CCNY: variants seen among roughly 807,000 people sequenced by gnomAD.
CCNY encodes cyclin-Y.
CCNY carries 19 observed loss-of-function variants against 42.8 expected under a neutral mutation model. The observed-to-expected ratio is 0.44, with a 90% CI of 0.31 to 0.65. The LOEUF (loss-of-function observed/expected upper bound fraction) is 0.65, where lower values mean the gene tolerates loss of function less well. Ranked by LOEUF, CCNY falls within the 30% of genes least tolerant of loss-of-function variation. The probability of loss-of-function intolerance (pLI) is 0.07; values close to 1 mark genes in which losing one functional copy is unlikely to be tolerated. For synonymous variants in CCNY, 165 were observed against 162.7 expected (o/e 1.01, Z -0.11); for missense variants, 370 against 437.3 (o/e 0.85, Z 1.37).
chr10:35,510,492 T>C (rs569646282), intron 3 of CCNY, among the ~76,000 whole-genome samples: 5 of 152,346 alleles, frequency 3.3e-5, no homozygotes, highest in African/African-American at 1.2e-4. Flanking sequence ...GCTGGAATTA[T>C]AGGCATGAGC....
intron 1 of CCNY, among the ~76,000 whole-genome samples, chr10:35,439,830 T>C (rs1838626371): frequency 6.6e-6 from 1 of 152,098 alleles, no homozygotes; most frequent in African/African-American, 2.4e-5. Flanking sequence ...TACTGCCAGG[T>C]GGAGACAGAA....
intron 3 of CCNY, among the ~76,000 whole-genome samples, chr10:35,309,337 G>A (rs1681680065): frequency 6.6e-6 from 1 of 152,218 alleles, no homozygotes; most frequent in South Asian, 2.1e-4. Context: ...GACTGTGAGG[G>A]TGGAGGAATT....
intron 2 of CCNY, among the ~76,000 whole-genome samples, chr10:35,494,248 T>C (rs1589158371): frequency 8.9e-6 from 1 of 112,948 alleles, no homozygotes; most frequent in African/African-American, 2.9e-5. Flanking sequence ...CCCCCCCCAT[T>C]TCTACAAAAA....
At chr10:35,349,205 G>A (rs1393587563) in intron 1 of CCNY, among the ~76,000 whole-genome samples, 2 of 152,150 alleles carry the variant, frequency 1.3e-5, no homozygotes. Flanking sequence ...AAGAGTGAAG[G>A]GTACCTCTGG....
intron 1 of CCNY, among the ~76,000 whole-genome samples, chr10:35,372,874 A>G (rs1836968767): frequency 6.6e-6 from 1 of 151,764 alleles, no homozygotes; most frequent in African/African-American, 2.4e-5. Context: ...TAATTTTTGT[A>G]TTTTTTAGAG....
intron 1 of CCNY, among the ~76,000 whole-genome samples, chr10:35,455,157 A>G (rs544277270): frequency 1.4e-4 from 21 of 152,370 alleles, no homozygotes; most frequent in Admixed American, 5.2e-4. Context: ...TATCATGCCA[A>G]CAAGTAGCAT....
chr10:35,401,530 G>C (rs1418170148), intron 1 of CCNY, among the ~76,000 whole-genome samples: 1 of 150,770 alleles, frequency 6.6e-6, no homozygotes, highest in East Asian at 1.9e-4. Flanking sequence ...TTTTTTCTTA[G>C]GAGGTACAAG....
At chr10:35,455,980 A>T (rs1564417959) in intron 1 of CCNY, among the ~76,000 whole-genome samples, 1 of 151,982 alleles carries the variant, frequency 6.6e-6, no homozygotes, top group South Asian at 2.1e-4. Context: ...CACCATGCCC[A>T]GCTTTATTTT....
intron 1 of CCNY, among the ~76,000 whole-genome samples, chr10:35,431,540 A>G (rs769366878): frequency 2.7e-5 from 4 of 150,652 alleles, no homozygotes; most frequent in Non-Finnish European, 5.9e-5. Flanking sequence ...AGGTTGTAGC[A>G]CAGTCTGTCA....
chr10:35,331,474 C>T (rs920372602), intron 3 of CCNY, among the ~76,000 whole-genome samples: 3 of 152,164 alleles, frequency 2.0e-5, no homozygotes, highest in African/African-American at 7.2e-5. Flanking sequence ...TGGGCTTTCT[C>T]CCAGATGCCA....
Position 35,289,878 on chromosome 10 carries a change from CAA to C in CCNY, c.-9+39270_-9+39271del, listed in dbSNP as rs35388058. 3.5e-3 allele frequency among the ~76,000 whole-genome samples: 301 copies of C among 85,540 alleles called. 1 individual carries two copies. The highest frequency in any genetic ancestry group is 0.025 in the East Asian group (73 of 2,968). 56.1% of individuals were successfully genotyped at this position (85,540 alleles called of 152,430 possible). On this transcript the variant is annotated intron_variant, in intron 3 of 11. Coordinates refer to the CCNY transcript ENST00000374706. ...TGGGTGACAGAGTGAGACTCTGTCT[CAA>C]AAAAAAAAAAAAAAAAAGTTCCTTC...
rs576276033 is a variant in CCNY at position 35,431,351 on chromosome 10, C to T, written c.155-52053C>T. 3.6e-3 allele frequency among the ~76,000 whole-genome samples: 101 copies of T among 28,384 alleles called. 3 individuals carry two copies. The highest frequency in any genetic ancestry group is 8.3e-3 in the African/African-American group (50 of 6,058). The allele number at this position is 28,384 out of a possible 152,430, so 18.6% of individuals were successfully genotyped here. ...CCATCTTCCCCTCCTCCCCCCACATCTTCCCCCCCTCCCCCTCCCCCTCCC... is the reference window on the plus strand; with the variant it reads ...CCATCTTCCCCTCCTCCCCCCACATTTTCCCCCCCTCCCCCTCCCCCTCCC... On this transcript the variant is annotated intron_variant, in intron 1 of 9. Coordinates refer to ENST00000374704, the MANE Select transcript of CCNY (RefSeq NM_145012.6).
At chr10:35,285,616 T>C (rs149400735) in intron 3 of CCNY, among the ~76,000 whole-genome samples, 3,670 of 152,172 alleles carry the variant, frequency 0.024, 59 homozygotes, top group Non-Finnish European at 0.039. Flanking sequence ...ATCATAATTA[T>C]TATTATTTTA....
chr10:35,428,095 G>A (rs1402510106), intron 1 of CCNY, among the ~76,000 whole-genome samples: 1 of 152,154 alleles, frequency 6.6e-6, no homozygotes, highest in Non-Finnish European at 1.5e-5. Flanking sequence ...TTCATTTAAT[G>A]GATATTCATT....
At chr10:35,361,633 T>C (rs1836688836) in intron 1 of CCNY, among the ~76,000 whole-genome samples, 2 of 152,228 alleles carry the variant, frequency 1.3e-5, no homozygotes, top group African/African-American at 4.8e-5. Context: ...TAACTTTTAA[T>C]ATGGGTCTGA....
intron 1 of CCNY, among the ~76,000 whole-genome samples, chr10:35,410,500 G>A (rs896570236): frequency 1.8e-4 from 27 of 152,188 alleles, no homozygotes; most frequent in African/African-American, 6.0e-4. Flanking sequence ...GGAAAAAAAT[G>A]TCACAAAGTA....
In CCNY at chr10:35,381,114, A is replaced by G. The variant is rs543118520; in HGVS notation, c.154+43907A>G. ...ATCCAGAAGTCTGCCTGTAAAGTCT[A>G]AATGTCTAGAATTTTGCCTGCAGTT... is the stretch of plus-strand genomic sequence containing the variant. On this transcript the variant is annotated intron_variant, in intron 1 of 9. Coordinates refer to ENST00000374704, the MANE Select transcript of CCNY (RefSeq NM_145012.6). 1.7e-4 allele frequency among the ~76,000 whole-genome samples: 26 copies of G among 152,350 alleles called. 1 individual carries two copies. In the South Asian group the frequency reaches 5.2e-3, roughly 30 times the overall value.
At chr10:35,312,027 T>C (rs1259688640) in intron 3 of CCNY, among the ~76,000 whole-genome samples, 1 of 151,298 alleles carries the variant, frequency 6.6e-6, no homozygotes, top group African/African-American at 2.4e-5. Flanking sequence ...TAGAATCAAT[T>C]ATATTGCCAT....
chr10:35,315,159 G>C (rs1835740141), intron 3 of CCNY: 1 of 152,124 alleles, frequency 6.6e-6, no homozygotes, highest in Non-Finnish European at 1.5e-5. Flanking sequence ...TGTTACACAG[G>C]TAAACTTCTG....
Sources: allele counts gnomAD v4.1 joint callset (sites outside exome capture counted in the v4.1 genomes callset), GRCh38; gene constraint gnomAD v4.1.1; transcripts MANE v1.5; gene names NCBI Gene and HGNC (gene_info 2026-07-23, HGNC 2026-07-21).